Variants in ASXL1 observed in about 807,000 individuals in gnomAD.
The protein encoded by ASXL1 is ASXL transcriptional regulator 1, also known as polycomb group protein ASXL1.
In ASXL1, 65 loss-of-function variants were observed where a neutral mutation model predicts 89.1. The ratio of observed to expected loss-of-function variants is 0.73; its 90% CI spans 0.60 to 0.90. The LOEUF is 0.90. Among genes scored for constraint, ASXL1 ranks in the 40% least tolerant of loss-of-function variants. The pLI is 0.00. For missense variants in ASXL1, 1,786 were observed against 1,942.9 expected (o/e 0.92, Z 1.52); for synonymous variants, 739 against 746.9 (o/e 0.99, Z 0.17).
At chr20:32,381,250 G>A (rs2048480906) in intron 4 of ASXL1, among the ~76,000 whole-genome samples, 1 of 152,140 alleles carries the variant, frequency 6.6e-6, no homozygotes, top group Non-Finnish European at 1.5e-5. Flanking sequence ...CTGTTATTTA[G>A]GCTGAGTGCA....
chr20:32,397,642 C>A (rs1384846127), intron 4 of ASXL1, among the ~76,000 whole-genome samples: 1 of 151,874 alleles, frequency 6.6e-6, no homozygotes, highest in African/African-American at 2.4e-5. Flanking sequence ...AGTGATGCAC[C>A]CACCTGGGCC....
chr20:32,366,316 A>G, intron 1 of ASXL1, 68 bp from the exon 2 acceptor site: 1 of 1,378,500 alleles, frequency 7.3e-7, no homozygotes, highest in Non-Finnish European at 1.0e-6. Context: ...ACTTTAGCCC[A>G]TGATATATGG....
chr20:32,390,793 G>A (rs1050238048), intron 4 of ASXL1, among the ~76,000 whole-genome samples: 6 of 152,108 alleles, frequency 3.9e-5, no homozygotes, highest in African/African-American at 1.4e-4. Context: ...CATATAAATT[G>A]AATCCTACAT....
intron 4 of ASXL1, among the ~76,000 whole-genome samples, chr20:32,409,275 A>G (rs1044323207): frequency 2.0e-5 from 3 of 152,196 alleles, no homozygotes; most frequent in African/African-American, 7.2e-5. Flanking sequence ...GCCCAGCCTC[A>G]GCTATTTTTA....
rs746422436 is a variant in ASXL1, at chr20:32,436,335, C to T, written c.3623C>T (p.Pro1208Leu). Reference protein sequence around the residue: ...GAPQKNCKAVPSFDSLHPVTN... With the variant: ...GAPQKNCKAVLSFDSLHPVTN... ...CCCCAAAAGAATTGCAAGGCAGTCC[C>T]AAGTTTTGACTCCCTCCATCCAGTG... Residue 1208 changes from proline to leucine, a missense_variant, in exon 13 of 13, where the codon CCA becomes CTA. This residue lies in a region of ASXL1 where 1,418 missense variants were observed against 1,427.8 expected (regional missense o/e 0.99). Transcript: ENST00000375687. The T allele has an allele frequency of 1.3e-5, 21 of 1,613,834 alleles. No individual in the cohort carries two copies. Among genetic ancestry groups the T allele is most frequent in the Non-Finnish European group, 1.4e-5 (17 of 1,180,040 alleles).
At chr20:32,408,378 C>T (rs1341536070) in intron 4 of ASXL1, among the ~76,000 whole-genome samples, 1 of 152,092 alleles carries the variant, frequency 6.6e-6, no homozygotes, top group Non-Finnish European at 1.5e-5. Context: ...CAGTTGAGTC[C>T]ATACATAAGG....
At chr20:32,419,215 T>G (rs1037660502) in intron 4 of ASXL1, among the ~76,000 whole-genome samples, 2 of 152,096 alleles carry the variant, frequency 1.3e-5, no homozygotes. Context: ...TTGTTTTTGT[T>G]TTTTTGAGAC....
chr20:32,400,576 T>C (rs973589572), intron 4 of ASXL1, among the ~76,000 whole-genome samples: 1 of 152,160 alleles, frequency 6.6e-6, no homozygotes, highest in African/African-American at 2.4e-5. Flanking sequence ...TTTTGGGTGT[T>C]GTTTTCCTCT....
chr20:32,391,176 C>G (rs1407079212), intron 4 of ASXL1, among the ~76,000 whole-genome samples: 3 of 152,136 alleles, frequency 2.0e-5, no homozygotes, highest in African/African-American at 7.2e-5. Context: ...AGGTGTGAAC[C>G]ATTACAGTTG....
intron 4 of ASXL1, among the ~76,000 whole-genome samples, chr20:32,412,435 A>G (rs1436273710): frequency 6.6e-6 from 1 of 152,130 alleles, no homozygotes; most frequent in Non-Finnish European, 1.5e-5. Flanking sequence ...TACTTGAAGA[A>G]TTACTTGGGT....
chr20:32,414,511 C>A (rs1436628124), intron 4 of ASXL1, among the ~76,000 whole-genome samples: 1 of 151,780 alleles, frequency 6.6e-6, no homozygotes, highest in Non-Finnish European at 1.5e-5. Flanking sequence ...GAGTTTGAGT[C>A]CAGCCTGGGC....
Position 32,384,198 on chromosome 20 carries a change from G to GTTTTT in ASXL1, c.252+15097_252+15101dup, listed in dbSNP as rs71187115. Among the ~76,000 whole-genome samples the GTTTTT allele has an allele frequency of 3.9e-4, 30 of 77,296 alleles. 3 individuals are homozygous for GTTTTT. The highest frequency in any genetic ancestry group is 1.2e-3 in the African/African-American group (25 of 21,142). The allele number at this position is 77,296 out of a possible 152,430, so 50.7% of individuals were successfully genotyped here. ...CTTTGGTCAATTGTAGCAGCAGTCT[G>GTTTTT]TTTTTTTTTTTTTTTTTTTTTTTTT... On this transcript the variant is annotated intron_variant, in intron 4 of 12. Transcript: ENST00000375687.
At chr20:32,361,794 G>A (rs544944323) in intron 1 of ASXL1, among the ~76,000 whole-genome samples, 1 of 151,328 alleles carries the variant, frequency 6.6e-6, no homozygotes, top group Admixed American at 6.6e-5. Flanking sequence ...GGCCGGGCAC[G>A]GTGGCTCACG....
At chr20:32,371,793 A>T (rs747497210) in intron 4 of ASXL1, 7 of 449,598 alleles carry the variant, frequency 1.6e-5, no homozygotes, top group South Asian at 1.1e-4. Context: ...AAGTCTTGCT[A>T]TGTTGGTTAA....
chr20:32,428,645 GTTCA>G, intron 6 of ASXL1: 1 of 149,380 alleles, frequency 6.7e-6, no homozygotes, highest in South Asian at 8.4e-5. Context: ...GAGTGATTTT[GTTCA>G]TTCTTTTTTT....
At chr20:32,392,837 C>G (rs1250401666) in intron 4 of ASXL1, among the ~76,000 whole-genome samples, 1 of 152,080 alleles carries the variant, frequency 6.6e-6, no homozygotes, top group African/African-American at 2.4e-5. Flanking sequence ...AGAGAACATA[C>G]CTTATATGAT....
At chr20:32,359,963 A>G (rs953041658) in intron 1 of ASXL1, 6 of 631,208 alleles carry the variant, frequency 9.5e-6, no homozygotes, top group East Asian at 8.3e-5. Context: ...TTGACACTGT[A>G]GTTTATATGT....
chr20:32,433,636 G>T lies in ASXL1; in HGVS notation c.1438G>T (p.Glu480Ter), dbSNP rs545224250. The T allele has an allele frequency of 2.5e-6, 4 of 1,612,768 alleles. No homozygotes were observed. Among genetic ancestry groups the T allele is most frequent in the Non-Finnish European group, 1.7e-6 (2 of 1,178,886 alleles). ...TGCAGCACCCGACCTGGAGGGTCCC[G>T]AATTCCCAGTTGAGTCTGTGGCTTC... ...SSAAPDLEGP[E>*]FPVESVASRI... is the part of the protein sequence containing the mutation. The change falls in exon 12 of 13, where the codon GAA (glutamate) becomes TAA (stop). Residue 480 changes from glutamate to a stop codon, truncating the protein, a stop_gained. Transcript: ENST00000375687. LOFTEE classifies it high-confidence loss of function.
At chr20:32,397,009 C>CA (rs796579114) in intron 4 of ASXL1, among the ~76,000 whole-genome samples, 6 of 144,334 alleles carry the variant, frequency 4.2e-5, no homozygotes, top group Non-Finnish European at 7.5e-5. Flanking sequence ...AAAAAACAAA[C>CA]AAAAAAAACT....
Sources: allele counts gnomAD v4.1 joint callset (sites outside exome capture counted in the v4.1 genomes callset), GRCh38; gene constraint gnomAD v4.1.1; regional missense constraint gnomAD v4.1.1; transcripts MANE v1.5; gene names NCBI Gene and HGNC (gene_info 2026-07-23, HGNC 2026-07-21).